The following PLEKHA1 variants were observed in gnomAD, a reference collection of about 807,000 sequenced individuals.
PLEKHA1 encodes the protein pleckstrin homology domain containing A1, also known as pleckstrin homology domain-containing family A member 1.
PLEKHA1 carries 34 observed loss-of-function variants against 52.0 expected under a neutral mutation model. That is an observed-to-expected ratio of 0.65 (90% confidence interval 0.50 to 0.87). The LOEUF (loss-of-function observed/expected upper bound fraction) is 0.87, where lower values mean the gene tolerates loss of function less well. Ranked by LOEUF, PLEKHA1 falls within the 40% of genes least tolerant of loss-of-function variation. The pLI is 0.00. For missense variants in PLEKHA1, 497 were observed against 504.2 expected (o/e 0.99, Z 0.14); for synonymous variants, 163 against 170.7 (o/e 0.95, Z 0.35).
At position 122,424,371 on chromosome 10, in the gene PLEKHA1, TA is replaced by T; in HGVS notation, c.746+109del. Reference sequence around the variant, plus strand: ...TACATTTTTCCATATTAATTGTAGTTATTTTTAACTCTTTATAGTTGAGATA... The same window carrying T: ...TACATTTTTCCATATTAATTGTAGTTTTTTTAACTCTTTATAGTTGAGATA... On this transcript the variant is annotated intron_variant, in intron 9 of 11. Transcript: ENST00000368990. 3.2e-6 allele frequency: 4 copies of T among 1,242,742 alleles called. No homozygotes were observed. In the South Asian group the frequency reaches 7.6e-5, roughly 24 times the overall value. 77.0% of individuals were successfully genotyped at this position (1,242,742 alleles called of 1,614,324 possible).
intron 5 of PLEKHA1, among the ~76,000 whole-genome samples, chr10:122,407,239 G>T (rs1333698667): frequency 6.6e-6 from 1 of 152,082 alleles, no homozygotes; most frequent in African/African-American, 2.4e-5. Flanking sequence ...TCCCATGTCT[G>T]ATTTTTTTCC....
the PLEKHA1 span, chr10:122,438,439 T>TTATCTGGG: frequency 1.3e-5 from 2 of 152,398 alleles, no homozygotes; most frequent in Middle Eastern, 6.8e-3. Context: ...GCACAGGTGT[T>TTATCTGGG]TATCTGGGGT....
intron 1 of PLEKHA1, chr10:122,387,983 G>A (rs1399692250): frequency 6.6e-6 from 1 of 152,172 alleles, no homozygotes; most frequent in African/African-American, 2.4e-5. Context: ...GAAACTGCCT[G>A]GTAAGTAACG....
chr10:122,426,421 C>T (rs925559978), intron 10 of PLEKHA1, among the ~76,000 whole-genome samples: 6 of 152,056 alleles, frequency 3.9e-5, no homozygotes, highest in Admixed American at 3.9e-4. Flanking sequence ...AGTATCTCTG[C>T]ACCCCGATTG....
At chr10:122,380,288 A>G (rs2096596565) in intron 1 of PLEKHA1, among the ~76,000 whole-genome samples, 1 of 152,186 alleles carries the variant, frequency 6.6e-6, no homozygotes, top group African/African-American at 2.4e-5. Flanking sequence ...GGCATTGGAG[A>G]AACAACAGTA....
At chr10:122,376,605 A>G (rs2096541881) in intron 1 of PLEKHA1, among the ~76,000 whole-genome samples, 1 of 151,624 alleles carries the variant, frequency 6.6e-6, no homozygotes, top group South Asian at 2.1e-4. Flanking sequence ...GTTAATTAGT[A>G]TTTTCATTGT....
chr10:122,380,846 A>G (rs1432583470), intron 1 of PLEKHA1, among the ~76,000 whole-genome samples: 2 of 152,140 alleles, frequency 1.3e-5, no homozygotes, highest in Admixed American at 6.5e-5. Context: ...GGTAATTCTG[A>G]TAAGTGGCCA....
At chr10:122,426,503 A>G (rs187365223) in intron 10 of PLEKHA1, among the ~76,000 whole-genome samples, 2 of 152,312 alleles carry the variant, frequency 1.3e-5, no homozygotes, top group Non-Finnish European at 2.9e-5. Context: ...GTATCTGTCA[A>G]TACTTATTGT....
chr10:122,424,314 AG>A, intron 9 of PLEKHA1, 51 bp downstream of exon 9: 2 of 1,541,010 alleles, frequency 1.3e-6, no homozygotes, highest in Non-Finnish European at 1.7e-6. Flanking sequence ...AACACAGAAT[AG>A]TGCCTTAGTT....
chr10:122,417,286 G>A (rs2097190531), intron 7 of PLEKHA1, among the ~76,000 whole-genome samples: 1 of 151,804 alleles, frequency 6.6e-6, no homozygotes, highest in Non-Finnish European at 1.5e-5. Context: ...TCTTTACATG[G>A]GGTTGGCGGG....
chr10:122,391,384 C>G (rs542978083), intron 1 of PLEKHA1, among the ~76,000 whole-genome samples: 1 of 152,218 alleles, frequency 6.6e-6, no homozygotes, highest in South Asian at 2.1e-4. Context: ...ATATTTTCTT[C>G]TGAAAGTTTT....
At chr10:122,389,896 A>T (rs1274227919) in intron 1 of PLEKHA1, among the ~76,000 whole-genome samples, 1 of 73,042 alleles carries the variant, frequency 1.4e-5, no homozygotes, top group Admixed American at 1.3e-4. Context: ...GCCCCTAACA[A>T]GAGTCAGCTT....
At chr10:122,429,587 G>A (rs1269991645) in intron 11 of PLEKHA1, 37 bp from the exon 12 acceptor site, 1 of 1,591,214 alleles carries the variant, frequency 6.3e-7, no homozygotes, top group Non-Finnish European at 8.6e-7. Context: ...CTGGTCATGA[G>A]TGACTGACCG....
chr10:122,378,627 T>C (rs538216298), intron 1 of PLEKHA1, among the ~76,000 whole-genome samples: 24 of 151,728 alleles, frequency 1.6e-4, no homozygotes, highest in African/African-American at 5.6e-4. Context: ...TCCCAGCTAG[T>C]TGGGAGGCTG....
Position 122,424,179 on chromosome 10 carries a change from T to C in PLEKHA1, c.682-20T>C, listed in dbSNP as rs772384442. The C allele has an allele frequency of 5.9e-4, 853 of 1,436,214 alleles. No homozygotes were observed. The highest frequency in any genetic ancestry group is 2.4e-3 in the African/African-American group (100 of 41,658). 89.0% of individuals were successfully genotyped at this position (1,436,214 alleles called of 1,614,324 possible). On this transcript the variant is annotated intron_variant, in intron 8 of 11. Coordinates refer to ENST00000368990, the MANE Select transcript of PLEKHA1 (RefSeq NM_001001974.4). Reference sequence around the variant, plus strand: ...ATAAACATCATGTAACTGTTTTTTTTTTTTTTTTTTTTTTGCCAGGAAAAG... The same window carrying C: ...ATAAACATCATGTAACTGTTTTTTTCTTTTTTTTTTTTTTGCCAGGAAAAG...
intron 1 of PLEKHA1, among the ~76,000 whole-genome samples, chr10:122,390,220 T>C (rs2096757447): frequency 6.6e-6 from 1 of 152,218 alleles, no homozygotes; most frequent in Non-Finnish European, 1.5e-5. Flanking sequence ...AAAGCCTTTC[T>C]TTAGGTTAGG....
intron 6 of PLEKHA1, among the ~76,000 whole-genome samples, chr10:122,413,920 C>T (rs1342186442): frequency 2.6e-5 from 4 of 152,078 alleles, no homozygotes; most frequent in Non-Finnish European, 5.9e-5. Context: ...TCATTCCCCA[C>T]ATTTTTCAGG....
intron 8 of PLEKHA1, chr10:122,423,448 AC>A (rs1483963782): frequency 1.3e-5 from 2 of 149,532 alleles, no homozygotes; most frequent in Non-Finnish European, 3.0e-5. Flanking sequence ...AACAAAAAAA[AC>A]AACAACACTC....
rs983485584 is a variant in PLEKHA1 at position 122,390,402 on chromosome 10, G to A, written c.-20-2779G>A. Among the ~76,000 whole-genome samples the A allele has an allele frequency of 3.9e-5, 6 of 152,256 alleles. 1 individual carries two copies. The South Asian group carries it at 6.2e-4, about 16-fold the overall frequency. ...TGCATTCATAACTTGGCTGTTTGGT[G>A]CAAGAAACCTCATTTTTGGTCTGTC... is the stretch of plus-strand genomic sequence containing the variant. On this transcript the variant is annotated intron_variant, in intron 1 of 11. Transcript: ENST00000368990.
Sources: allele counts gnomAD v4.1 joint callset (sites outside exome capture counted in the v4.1 genomes callset), GRCh38; gene constraint gnomAD v4.1.1; transcripts MANE v1.5; gene names NCBI Gene and HGNC (gene_info 2026-07-23, HGNC 2026-07-21).